The following SP100 variants were observed in gnomAD, a reference collection of about 807,000 sequenced individuals.
SP100 encodes the protein SP100 nuclear body protein, also known as nuclear autoantigen Sp-100.
In SP100, 84 loss-of-function variants were observed where a neutral mutation model predicts 130.0. That is an observed-to-expected ratio of 0.65 (90% CI 0.54 to 0.77). The LOEUF is 0.77. SP100 is among the 30% of genes least tolerant of loss of function. SP100 has a pLI of 0.00. For missense variants in SP100, 978 were observed against 1,052.2 expected (o/e 0.93, Z 0.97); for synonymous variants, 331 against 351.7 (o/e 0.94, Z 0.66).
At chr2:230,503,392 A>C (rs2150066860) in intron 20 of SP100, among the ~76,000 whole-genome samples, 1 of 152,318 alleles carries the variant, frequency 6.6e-6, no homozygotes, top group South Asian at 2.1e-4. Flanking sequence ...TTGGGGGTAC[A>C]TGTGACAATT....
At chr2:230,480,959 G>T (rs2065803473) in intron 17 of SP100, among the ~76,000 whole-genome samples, 1 of 150,992 alleles carries the variant, frequency 6.6e-6, no homozygotes, top group African/African-American at 2.4e-5. Context: ...ATCTCCTACT[G>T]GCTAATATAG....
At chr2:230,432,457 T>C (rs1396803622) in intron 2 of SP100, among the ~76,000 whole-genome samples, 1 of 152,182 alleles carries the variant, frequency 6.6e-6, no homozygotes, top group Non-Finnish European at 1.5e-5. Flanking sequence ...TTCAAATCTG[T>C]CTTACAGTGT....
intron 2 of SP100, among the ~76,000 whole-genome samples, chr2:230,427,232 G>T (rs1172584198): frequency 6.6e-6 from 1 of 151,920 alleles, no homozygotes; most frequent in East Asian, 1.9e-4. Context: ...TGCTATCTCG[G>T]CTTATTGCAA....
chr2:230,518,880 A>T (rs1436391260), intron 24 of SP100, among the ~76,000 whole-genome samples: 1 of 152,208 alleles, frequency 6.6e-6, no homozygotes, highest in Non-Finnish European at 1.5e-5. Context: ...AGATTTATTC[A>T]AGTCATGTGA....
At chr2:230,501,437 T>A (rs1203585157) in intron 19 of SP100, among the ~76,000 whole-genome samples, 1 of 152,200 alleles carries the variant, frequency 6.6e-6, no homozygotes, top group African/African-American at 2.4e-5. Context: ...GACATGTGAA[T>A]TATCAGTAAA....
intron 24 of SP100, among the ~76,000 whole-genome samples, chr2:230,512,424 G>A (rs937839306): frequency 1.3e-5 from 2 of 151,746 alleles, no homozygotes; most frequent in African/African-American, 4.8e-5. Context: ...CAAGTAGCTG[G>A]GACTACAGGT....
intron 1 of SP100, chr2:230,416,653 T>G: frequency 1.3e-6 from 1 of 782,232 alleles, no homozygotes; most frequent in Non-Finnish European, 1.6e-6. Context: ...CTGTGAACCC[T>G]TTCACCCCTC....
intron 2 of SP100, among the ~76,000 whole-genome samples, chr2:230,420,761 TCA>T (rs1364298782): frequency 5.3e-5 from 8 of 152,188 alleles, no homozygotes; most frequent in Admixed American, 5.2e-4. Context: ...GCTTAAAGTA[TCA>T]GTCAATAAGA....
Position 230,543,036 on chromosome 2 carries a change from C to G in SP100, c.*90C>G. On this transcript the variant is annotated 3_prime_UTR_variant, in exon 29 of 29. Coordinates refer to ENST00000340126, the MANE Select transcript of SP100 (RefSeq NM_001080391.2). Reference sequence around the variant, plus strand: ...TAATCTGTGACTGCTCCTGTGGAAACTCCACATCACAATTCTCCAAAATTT... The same window carrying G: ...TAATCTGTGACTGCTCCTGTGGAAAGTCCACATCACAATTCTCCAAAATTT... 1.5e-6 allele frequency: 1 copy of G among 651,804 alleles called. No homozygotes were observed. Among genetic ancestry groups the G allele is most frequent in the Non-Finnish European group, 2.7e-6 (1 of 373,658 alleles). 40.4% of individuals were successfully genotyped at this position (651,804 alleles called of 1,614,324 possible).
intron 2 of SP100, among the ~76,000 whole-genome samples, chr2:230,433,143 G>C (rs1346566492): frequency 6.6e-6 from 1 of 152,178 alleles, no homozygotes; most frequent in Non-Finnish European, 1.5e-5. Context: ...TTTACATTTA[G>C]AGATGCATGA....
chr2:230,461,221 A>G (rs927349968), intron 8 of SP100, 41 bp from the exon 9 acceptor site: 1 of 1,600,772 alleles, frequency 6.2e-7, no homozygotes, highest in African/African-American at 1.3e-5. Flanking sequence ...AAGGAGGTTC[A>G]CTGGGGACAC....
intron 24 of SP100, among the ~76,000 whole-genome samples, chr2:230,521,541 G>A (rs1691170973): frequency 6.6e-6 from 1 of 152,168 alleles, no homozygotes; most frequent in African/African-American, 2.4e-5. Flanking sequence ...TTATGGAGAT[G>A]GATTTGAGAC....
At position 230,461,145 on chromosome 2, in the gene SP100, G is replaced by A. The variant is rs73095045; in HGVS notation, c.821-117G>A. On this transcript the variant is annotated intron_variant, in intron 8 of 28. Coordinates refer to ENST00000340126, the MANE Select transcript of SP100 (RefSeq NM_001080391.2). Reference sequence around the variant, plus strand: ...CAGAGTTGAGCAAAAGGAAAAACACGGAGGTGGGGTGAAGGTCTAGCCCCA... The same window carrying A: ...CAGAGTTGAGCAAAAGGAAAAACACAGAGGTGGGGTGAAGGTCTAGCCCCA... The A allele has an allele frequency of 3.2e-3, 2,931 of 912,772 alleles. 63 individuals are homozygous for A. In the African/African-American group the frequency reaches 0.044, roughly 14 times the overall value. 56.5% of individuals were successfully genotyped at this position (912,772 alleles called of 1,614,324 possible).
Position 230,449,628 on chromosome 2 carries a change from AAAAGATACAACCAGTGAC to A in SP100, c.661_678del (p.Thr221_Asp226del). The A allele has an allele frequency of 6.2e-7, 1 of 1,614,140 alleles. No individual in the cohort carries two copies. The highest frequency in any genetic ancestry group is 8.5e-7 in the Non-Finnish European group (1 of 1,180,000). ...AAACAGAACAGATAAATGCAAAGAG[AAAAGATACAACCAGTGAC>A]AAAGATGATTCGCTAGGAAGCCAAC... is the stretch of plus-strand genomic sequence containing the variant. On this transcript the variant is annotated inframe_deletion, in exon 7 of 29. Coordinates refer to ENST00000340126, the MANE Select transcript of SP100 (RefSeq NM_001080391.2).
chr2:230,510,431 G>C, intron 23 of SP100: 1 of 149,634 alleles, frequency 6.7e-6, no homozygotes, highest in Middle Eastern at 3.2e-3. Flanking sequence ...AGGAAGAGTC[G>C]GCCGATTCCC....
intron 24 of SP100, among the ~76,000 whole-genome samples, chr2:230,526,909 G>GA (rs1691457272): frequency 6.6e-6 from 1 of 152,150 alleles, no homozygotes; most frequent in Non-Finnish European, 1.5e-5. Flanking sequence ...AAGCCTCCAA[G>GA]AAATATGGGA....
At chr2:230,518,989 G>A (rs1020352294) in intron 24 of SP100, among the ~76,000 whole-genome samples, 2 of 152,078 alleles carry the variant, frequency 1.3e-5, no homozygotes, top group Admixed American at 1.3e-4. Flanking sequence ...TAAAATTTTG[G>A]TCATGAATCA....
intron 2 of SP100, among the ~76,000 whole-genome samples, chr2:230,442,052 G>A (rs2063492356): frequency 1.3e-5 from 2 of 151,792 alleles, no homozygotes; most frequent in African/African-American, 4.8e-5. Context: ...TTTTTTTACA[G>A]AAATTCAAAA....
At chr2:230,525,917 G>A (rs552013424) in intron 24 of SP100, among the ~76,000 whole-genome samples, 98 of 152,284 alleles carry the variant, frequency 6.4e-4, no homozygotes, top group African/African-American at 1.2e-3. Context: ...TGAACTGGGC[G>A]GAGCCCACCA....
Sources: allele counts gnomAD v4.1 joint callset (sites outside exome capture counted in the v4.1 genomes callset), GRCh38; gene constraint gnomAD v4.1.1; transcripts MANE v1.5; gene names NCBI Gene and HGNC (gene_info 2026-07-23, HGNC 2026-07-21).